Variants in CAMK4 observed in about 807,000 individuals in gnomAD.
The protein encoded by CAMK4 is calcium/calmodulin-dependent protein kinase type IV.
Under a neutral mutation model 44.9 loss-of-function variants are expected in CAMK4, and 22 were observed. The observed-to-expected ratio is 0.49, with a 90% CI of 0.35 to 0.70. The LOEUF (loss-of-function observed/expected upper bound fraction) is 0.70. Ranked by LOEUF, CAMK4 falls within the 30% of genes least tolerant of loss-of-function variation. CAMK4 has a pLI of 0.01. For missense variants in CAMK4, 498 were observed against 586.8 expected, an observed-to-expected ratio of 0.85 and a Z score of 1.56; for synonymous variants, 218 against 215.4, an observed-to-expected ratio of 1.01 and a Z score of -0.11.
At chr5:111,255,294 T>A (rs1298410896) in intron 1 of CAMK4, among the ~76,000 whole-genome samples, 1 of 152,298 alleles carries the variant, frequency 6.6e-6, no homozygotes, top group East Asian at 1.9e-4. Flanking sequence ...CTCACTTTGG[T>A]GAGCTATGAA....
chr5:111,226,442 G>T lies in CAMK4; in HGVS notation c.161+1798G>T, dbSNP rs116389731. Among the ~76,000 whole-genome samples the T allele has an allele frequency of 4.2e-3, 647 of 152,302 alleles. 3 individuals are homozygous for T. The highest frequency in any genetic ancestry group is 0.015 in the African/African-American group (628 of 41,560). The stretch of plus-strand genomic sequence containing the variant: ...TACAGAAGCTTCTCAACTTATGATG[G>T]TGTTATGTCCCAATAAGCCCACTGT... On this transcript the variant is annotated intron_variant, in intron 1 of 10. Transcript: ENST00000282356.
At chr5:111,309,574 A>G (rs1368024797) in intron 1 of CAMK4, among the ~76,000 whole-genome samples, 1 of 152,074 alleles carries the variant, frequency 6.6e-6, no homozygotes, top group Non-Finnish European at 1.5e-5. Flanking sequence ...GCCATTAACA[A>G]TCCATTTTAC....
At position 111,413,837 on chromosome 5, in the gene CAMK4, G is replaced by A. The variant is rs114751068; in HGVS notation, c.459+19055G>A. 7.5e-3 allele frequency among the ~76,000 whole-genome samples: 1,146 copies of A among 152,034 alleles called. 13 individuals are homozygous for A. Among genetic ancestry groups the A allele is most frequent in the African/African-American group, 0.025 (1,047 of 41,522 alleles). On this transcript the variant is annotated intron_variant, in intron 5 of 10. Transcript: ENST00000282356. ...TAGAGATATATTTTCTAAAGCACTA[G>A]AGAAAGCAAGGGCAAAATATAACCC...
intron 5 of CAMK4, among the ~76,000 whole-genome samples, chr5:111,426,274 C>G (rs1753223498): frequency 6.6e-6 from 1 of 152,144 alleles, no homozygotes; most frequent in Admixed American, 6.6e-5. Flanking sequence ...TGTAAATATT[C>G]ATAAGGCAAG....
At chr5:111,349,849 A>G (rs1750019057) in intron 2 of CAMK4, among the ~76,000 whole-genome samples, 1 of 152,024 alleles carries the variant, frequency 6.6e-6, no homozygotes, top group Admixed American at 6.6e-5. Flanking sequence ...CAGATATTTG[A>G]ACTTCAGAAT....
intron 5 of CAMK4, among the ~76,000 whole-genome samples, chr5:111,401,768 A>G (rs1752236901): frequency 6.6e-6 from 1 of 152,216 alleles, no homozygotes; most frequent in African/African-American, 2.4e-5. Context: ...TAACTTCAGG[A>G]AACAGCTACC....
At chr5:111,287,316 C>T (rs1334306048) in intron 1 of CAMK4, among the ~76,000 whole-genome samples, 1 of 151,836 alleles carries the variant, frequency 6.6e-6, no homozygotes, top group African/African-American at 2.4e-5. Flanking sequence ...GAACAAAGTT[C>T]CAGAGAAAGT....
intron 1 of CAMK4, among the ~76,000 whole-genome samples, chr5:111,278,712 T>C (rs532367516): frequency 1.3e-5 from 2 of 152,314 alleles, no homozygotes; most frequent in East Asian, 1.9e-4. Flanking sequence ...TCTGATATAA[T>C]TGTTATTTTC....
intron 1 of CAMK4, among the ~76,000 whole-genome samples, chr5:111,260,701 G>T (rs745539425): frequency 1.6e-4 from 24 of 152,006 alleles, no homozygotes; most frequent in African/African-American, 2.4e-4. Flanking sequence ...ATTAGGTTTT[G>T]TTCGTTCCTT....
intron 1 of CAMK4, among the ~76,000 whole-genome samples, chr5:111,251,589 A>G (rs919388359): frequency 5.3e-5 from 8 of 152,218 alleles, no homozygotes; most frequent in African/African-American, 1.9e-4. Context: ...CAAATAAAAA[A>G]CAAATACAGC....
chr5:111,272,091 CTCTG>C (rs1354520576), intron 1 of CAMK4, among the ~76,000 whole-genome samples: 3 of 151,500 alleles, frequency 2.0e-5, no homozygotes, highest in African/African-American at 7.3e-5. Flanking sequence ...ACAGACAGCC[CTCTG>C]TGTGTGTGTG....
intron 5 of CAMK4, among the ~76,000 whole-genome samples, chr5:111,432,662 G>GTATATATATATATATA (rs58147378): frequency 7.0e-6 from 1 of 142,962 alleles, no homozygotes; most frequent in African/African-American, 2.6e-5. Flanking sequence ...ATATGTGTGT[G>GTATATATATATATATA]TATATATATA....
chr5:111,360,466 C>A (rs894759770), intron 2 of CAMK4, among the ~76,000 whole-genome samples: 2 of 152,070 alleles, frequency 1.3e-5, no homozygotes, highest in Non-Finnish European at 2.9e-5. Flanking sequence ...AAATACTGAA[C>A]ACACACTCAG....
chr5:111,251,713 A>C lies in CAMK4; in HGVS notation c.161+27069A>C, dbSNP rs909283250. On this transcript the variant is annotated intron_variant, in intron 1 of 10. Transcript: ENST00000282356. ...TCTTTCCCTCCCTTTAAAGGCTTCT[A>C]AATATTAAATTGAAATACATGAGAA... Among the ~76,000 whole-genome samples, 21 of 152,156 alleles carry C rather than the reference A, an allele frequency of 1.4e-4. 1 individual carries two copies. The highest frequency in any genetic ancestry group is 1.5e-5 in the Non-Finnish European group (1 of 68,022).
intron 7 of CAMK4, among the ~76,000 whole-genome samples, chr5:111,452,231 T>C (rs531843971): frequency 1.3e-5 from 2 of 152,184 alleles, no homozygotes; most frequent in Non-Finnish European, 2.9e-5. Context: ...CTTTGTCAAC[T>C]TTGTATGACT....
intron 8 of CAMK4, among the ~76,000 whole-genome samples, chr5:111,477,524 G>A (rs1755289732): frequency 6.6e-6 from 1 of 152,010 alleles, no homozygotes; most frequent in African/African-American, 2.4e-5. Context: ...GGTCCCTACT[G>A]ATTTTAGAAC....
chr5:111,438,702 TA>T (rs1292988735), intron 5 of CAMK4, among the ~76,000 whole-genome samples: 1 of 152,154 alleles, frequency 6.6e-6, no homozygotes, highest in East Asian at 1.9e-4. Context: ...ATGTTCAATT[TA>T]GGAAGTGGAG....
At chr5:111,294,783 A>G (rs1401948430) in intron 1 of CAMK4, among the ~76,000 whole-genome samples, 2 of 152,056 alleles carry the variant, frequency 1.3e-5, no homozygotes, top group South Asian at 2.1e-4. Context: ...AAATTAGGCA[A>G]TGTTTCCTCC....
chr5:111,339,528 G>A (rs1749551098), intron 1 of CAMK4, among the ~76,000 whole-genome samples: 1 of 151,332 alleles, frequency 6.6e-6, no homozygotes, highest in Non-Finnish European at 1.5e-5. Context: ...TCAAAAACCA[G>A]TTGGCCATAA....
Sources: gnomAD v4.1 joint callset for allele counts (sites outside exome capture counted in the v4.1 genomes callset) on GRCh38, gnomAD v4.1.1 for gene constraint, MANE v1.5 for transcripts, NCBI Gene and HGNC (gene_info 2026-07-23, HGNC 2026-07-21) for gene names.